The following ZBTB21 variants were observed in gnomAD, a reference collection of about 807,000 sequenced individuals.
ZBTB21 encodes zinc finger and BTB domain-containing protein 21.
ZBTB21 carries 10 observed loss-of-function variants against 39.8 expected under a neutral mutation model. That is an observed-to-expected ratio of 0.25 (90% CI 0.16 to 0.43). ZBTB21 has a LOEUF of 0.43. Ranked by LOEUF, ZBTB21 falls within the 20% of genes least tolerant of loss-of-function variation. The pLI, the probability that ZBTB21 is intolerant of heterozygous loss-of-function variation, is 1.00. For synonymous variants in ZBTB21, 551 were observed against 498.8 expected, an observed-to-expected ratio of 1.10 and a Z score of -1.40; for missense variants, 1,221 against 1,296.3, an observed-to-expected ratio of 0.94 and a Z score of 0.89.
intron 1 of ZBTB21, among the ~76,000 whole-genome samples, chr21:42,006,470 C>T (rs4919969): frequency 0.63 from 95,745 of 151,386 alleles, 31,738 homozygotes; most frequent in African/African-American, 0.78. Flanking sequence ...CTTAGTTATT[C>T]CCTAGTGATC....
At chr21:41,994,991 C>A (rs2065726957) in intron 2 of ZBTB21, among the ~76,000 whole-genome samples, 1 of 152,330 alleles carries the variant, frequency 6.6e-6, no homozygotes, top group East Asian at 1.9e-4. Context: ...CTCCTCCTTG[C>A]CTTCCACCAC....
intron 2 of ZBTB21, among the ~76,000 whole-genome samples, chr21:41,997,016 T>C (rs2065755423): frequency 6.6e-6 from 1 of 152,188 alleles, no homozygotes; most frequent in South Asian, 2.1e-4. Flanking sequence ...TCTTTTTCTT[T>C]GTTAGTTACC....
In ZBTB21 at chr21:41,994,818, C is replaced by CCA. The variant is rs199969348; in HGVS notation, c.-13-712_-13-711dup. Among the ~76,000 whole-genome samples, 359 of 80,576 alleles carry CCA rather than the reference C, an allele frequency of 4.5e-3. 2 individuals carry two copies. Among genetic ancestry groups the CCA allele is most frequent in the African/African-American group, 0.022 (341 of 15,386 alleles). 52.9% of individuals were successfully genotyped at this position (80,576 alleles called of 152,430 possible). On this transcript the variant is annotated intron_variant, in intron 2 of 2. Coordinates refer to ENST00000310826, the MANE Select transcript of ZBTB21 (RefSeq NM_001098402.2). ...TCTTGAATTGTAACTCCCACAATTCCCACGTCGTGGGAGGGACCCAGTGGG... is the reference window on the plus strand; with the variant it reads ...TCTTGAATTGTAACTCCCACAATTCCCACACGTCGTGGGAGGGACCCAGTGGG...
rs762402058 is a variant in ZBTB21 at position 41,992,956 on chromosome 21, T to C, written c.1140A>G (p.Leu380=). The C allele has an allele frequency of 1.9e-6, 3 of 1,614,064 alleles. No individual in the cohort carries two copies. The highest frequency in any genetic ancestry group is 2.2e-5 in the East Asian group (1 of 44,898). ...AATCTTTTAAAGATGACTTCTGAGA[T>C]AAAGCACACAACACATTCCCTGGTG... ...SDAPGNVLCA[L]SQKSSLKDCS... Residue 380 remains leucine, a synonymous_variant, in exon 3 of 3, where the codon TTA becomes TTG. Transcript: ENST00000310826. The surrounding 1 kb of genome is among the most constrained non-coding windows in gnomAD (Gnocchi z 4.1).
chr21:41,992,959 A>G lies in ZBTB21; in HGVS notation c.1137T>C (p.Ala379=). 2 of 1,614,188 alleles carry G rather than the reference A, an allele frequency of 1.2e-6. No homozygotes were observed. The highest frequency in any genetic ancestry group is 1.7e-6 in the Non-Finnish European group (2 of 1,180,026). ...CTTTTAAAGATGACTTCTGAGATAA[A>G]GCACACAACACATTCCCTGGTGCAT... ...SSDAPGNVLC[A]LSQKSSLKDC... is the part of the protein sequence containing the mutation. Residue 379 remains alanine (A), a synonymous_variant, in exon 3 of 3, where the codon GCT becomes GCC. Transcript: ENST00000310826. The surrounding 1 kb of genome is among the most constrained non-coding windows in gnomAD (Gnocchi z 4.1).
intron 2 of ZBTB21, among the ~76,000 whole-genome samples, chr21:41,994,454 C>T (rs546740151): frequency 6.6e-6 from 1 of 152,290 alleles, no homozygotes; most frequent in South Asian, 2.1e-4. Flanking sequence ...ATGCTTGGCA[C>T]TATTCCTTAC....
At chr21:41,997,970 G>A (rs550431429) in intron 2 of ZBTB21, among the ~76,000 whole-genome samples, 5 of 152,080 alleles carry the variant, frequency 3.3e-5, no homozygotes, top group Non-Finnish European at 7.4e-5. Flanking sequence ...CTCTTGCAGG[G>A]TTGTTGCAAA....
At position 41,991,781 on chromosome 21, in the gene ZBTB21, T is replaced by A. The variant is rs764288916; in HGVS notation, c.2315A>T (p.Tyr772Phe). 4.3e-6 allele frequency: 7 copies of A among 1,614,258 alleles called. No individual in the cohort carries two copies. Among genetic ancestry groups the A allele is most frequent in the South Asian group, 2.2e-5 (2 of 91,090 alleles). ...LKQEHESKCE[Y>F]KKLTCLECMR... Reference sequence around the variant, plus strand: ...GCACTCGAGGCAGGTCAGCTTCTTATACTCACACTTGCTCTCGTGTTCTTG... The same window carrying A: ...GCACTCGAGGCAGGTCAGCTTCTTAAACTCACACTTGCTCTCGTGTTCTTG... The change falls in exon 3 of 3, where the codon TAT (tyrosine) becomes TTT (phenylalanine). Residue 772 changes from tyrosine to phenylalanine, a missense_variant. Physicochemically the swap from Tyr to Phe is conservative, Grantham distance 22. Transcript: ENST00000310826. The surrounding 1 kb of genome is among the most constrained non-coding windows in gnomAD (Gnocchi z 4.9).
chr21:41,995,421 G>A (rs1288992564), intron 2 of ZBTB21, among the ~76,000 whole-genome samples: 1 of 152,230 alleles, frequency 6.6e-6, no homozygotes, highest in Non-Finnish European at 1.5e-5. Context: ...TGTTGCCCCT[G>A]CCCTAGAGAT....
intron 1 of ZBTB21, among the ~76,000 whole-genome samples, chr21:42,009,770 G>C (rs1308009457): frequency 6.6e-6 from 1 of 151,970 alleles, no homozygotes; most frequent in Non-Finnish European, 1.5e-5. Flanking sequence ...GCAGGTGCGG[G>C]GTCCCCAAGG....
Position 41,991,357 on chromosome 21 carries a change from C to G in ZBTB21, c.2739G>C (p.Lys913Asn). 1.9e-6 allele frequency: 3 copies of G among 1,605,850 alleles called. No individual in the cohort carries two copies. The highest frequency in any genetic ancestry group is 1.7e-4 in the Middle Eastern group (1 of 6,010). Residue 913 changes from lysine to asparagine, a missense_variant, in exon 3 of 3, where the codon AAG (lysine) becomes AAC (asparagine). Transcript: ENST00000310826. The surrounding 1 kb of genome is among the most constrained non-coding windows in gnomAD (Gnocchi z 4.9). Reference sequence around the variant, plus strand: ...TATGCACCGTGAACATCTTCCCACACTTCTCGCAGGGCCACAGGCTGGCTT... The same window carrying G: ...TATGCACCGTGAACATCTTCCCACAGTTCTCGCAGGGCCACAGGCTGGCTT... Reference protein sequence around the residue: ...SKEASLWPCEKCGKMFTVHKQ... With the variant: ...SKEASLWPCENCGKMFTVHKQ...
rs1243978192 is a variant in ZBTB21, at chr21:41,992,750, C to G, written c.1346G>C (p.Gly449Ala). Residue 449 changes from glycine (G) to alanine (A), a missense_variant, in exon 3 of 3, where the codon GGA (glycine) becomes GCA (alanine). Physicochemically the swap from Gly to Ala is moderately conservative, Grantham distance 60. This residue lies in a region of ZBTB21 where 500 missense variants were observed against 465.6 expected (regional missense o/e 1.07). Coordinates refer to ENST00000310826, the MANE Select transcript of ZBTB21 (RefSeq NM_001098402.2). The surrounding 1 kb of genome is among the most constrained non-coding windows in gnomAD (Gnocchi z 4.1). Reference protein sequence around the residue: ...DPSDIIRVTVGDAATTAAASS... With the variant: ...DPSDIIRVTVADAATTAAASS... The stretch of plus-strand genomic sequence containing the variant: ...GGCAGCTGCTGTTGTTGCCGCATCT[C>G]CCACAGTGACGCGGATGATGTCCGA... The G allele has an allele frequency of 6.2e-7, 1 of 1,614,142 alleles. No homozygotes were observed.
At chr21:42,001,593 G>A (rs1012290649) in intron 2 of ZBTB21, among the ~76,000 whole-genome samples, 6 of 152,324 alleles carry the variant, frequency 3.9e-5, no homozygotes, top group Admixed American at 1.3e-4. Context: ...GGCGTTCTAC[G>A]AAGAAAGTTT....
intron 1 of ZBTB21, among the ~76,000 whole-genome samples, chr21:42,003,217 A>G (rs2065838737): frequency 6.6e-6 from 1 of 152,228 alleles, no homozygotes; most frequent in African/African-American, 2.4e-5. Flanking sequence ...CAGTACGTTC[A>G]GCACTTCCCA....
In ZBTB21 at chr21:41,992,994, C is replaced by G. The variant is rs756000272; in HGVS notation, c.1102G>C (p.Val368Leu). 1.2e-6 allele frequency: 2 copies of G among 1,614,148 alleles called. No individual in the cohort carries two copies. Among genetic ancestry groups the G allele is most frequent in the South Asian group, 1.1e-5 (1 of 91,082 alleles). Residue 368 changes from valine to leucine, a missense_variant, in exon 3 of 3, where the codon GTG (valine) becomes CTG (leucine). Coordinates refer to ENST00000310826, the MANE Select transcript of ZBTB21 (RefSeq NM_001098402.2). This position sits in a 1 kb window ranked among gnomAD's most constrained non-coding sequence, Gnocchi z 4.1. ...ACATTCCCTGGTGCATCACTGGACA[C>G]CGAAGATGATCCCTGGGAAGATTTC... Reference protein sequence around the residue: ...DLKSSQGSSSVSSDAPGNVLC... With the variant: ...DLKSSQGSSSLSSDAPGNVLC...
At chr21:41,997,904 T>A (rs997031456) in intron 2 of ZBTB21, among the ~76,000 whole-genome samples, 2 of 152,086 alleles carry the variant, frequency 1.3e-5, no homozygotes, top group African/African-American at 4.8e-5. Flanking sequence ...GTGTTTCTGT[T>A]AGCCTCTCGG....
rs148869512 is a variant in ZBTB21, at chr21:41,991,807, C to T, written c.2289G>A (p.Lys763=). ...CSLRFFSPEL[K]QEHESKCEYK... ...ACTCACACTTGCTCTCGTGTTCTTG[C>T]TTCAGCTCGGGCGAGAAAAACCTGA... Residue 763 remains lysine (K), a synonymous_variant, in exon 3 of 3, where the codon AAG becomes AAA. Coordinates refer to ENST00000310826, the MANE Select transcript of ZBTB21 (RefSeq NM_001098402.2). The surrounding 1 kb of genome is among the most constrained non-coding windows in gnomAD (Gnocchi z 4.9). 3 of 1,614,212 alleles carry T rather than the reference C, an allele frequency of 1.9e-6. No homozygotes were observed. The highest frequency in any genetic ancestry group is 2.5e-6 in the Non-Finnish European group (3 of 1,180,040).
intron 1 of ZBTB21, 128 bp downstream of exon 1, chr21:42,010,124 G>A (rs1479364235): frequency 1.3e-5 from 5 of 388,582 alleles, no homozygotes; most frequent in African/African-American, 4.1e-5. Flanking sequence ...GCAACCCGCT[G>A]GTGGAGAAAA....
intron 2 of ZBTB21, among the ~76,000 whole-genome samples, chr21:41,999,850 G>A (rs551477276): frequency 1.3e-5 from 2 of 152,204 alleles, no homozygotes; most frequent in African/African-American, 4.8e-5. Flanking sequence ...TCTAGGGCTG[G>A]GAGACCTCCA....
Sources: allele counts gnomAD v4.1 joint callset (sites outside exome capture counted in the v4.1 genomes callset), GRCh38; gene constraint gnomAD v4.1.1; regional missense constraint gnomAD v4.1.1; non-coding constraint Gnocchi (gnomAD v3.1); transcripts MANE v1.5; gene names NCBI Gene and HGNC (gene_info 2026-07-23, HGNC 2026-07-21).